The following NR6A1 variants were observed in gnomAD, a reference collection of about 807,000 sequenced individuals.
The protein encoded by NR6A1 is retinoic acid receptor-related testis-associated receptor.
NR6A1 carries 7 observed loss-of-function variants against 59.1 expected under a neutral mutation model. The observed-to-expected ratio is 0.12, with a 90% confidence interval of 0.07 to 0.22. The LOEUF (loss-of-function observed/expected upper bound fraction) is 0.22, where lower values mean the gene tolerates loss of function less well. Among genes scored for constraint, NR6A1 ranks in the 10% least tolerant of loss-of-function variants. The pLI is 1.00. For synonymous variants in NR6A1, 243 were observed against 236.1 expected (o/e 1.03, Z -0.27); for missense variants, 468 against 611.6 (o/e 0.77, Z 2.48).
intron 1 of NR6A1, among the ~76,000 whole-genome samples, chr9:124,766,953 C>T (rs1840950595): frequency 6.6e-6 from 1 of 152,142 alleles, no homozygotes; most frequent in African/African-American, 2.4e-5. Context: ...CTCCAAGCTC[C>T]AAAACATGCA....
At chr9:124,636,425 A>G (rs1836614362) in intron 2 of NR6A1, among the ~76,000 whole-genome samples, 1 of 152,186 alleles carries the variant, frequency 6.6e-6, no homozygotes, top group Non-Finnish European at 1.5e-5. Flanking sequence ...GATGAAGTCC[A>G]GCTTATTAAT....
chr9:124,627,309 G>A (rs1008595576), intron 2 of NR6A1, among the ~76,000 whole-genome samples: 3 of 151,820 alleles, frequency 2.0e-5, no homozygotes, highest in Non-Finnish European at 4.4e-5. Context: ...AAATAATCTA[G>A]CCCCGCCTTA....
chr9:124,553,314 C>A (rs1833828634), intron 3 of NR6A1, among the ~76,000 whole-genome samples: 1 of 152,104 alleles, frequency 6.6e-6, no homozygotes, highest in Admixed American at 6.5e-5. Flanking sequence ...GTGATTTCAC[C>A]TATGGACTAG....
intron 1 of NR6A1, among the ~76,000 whole-genome samples, chr9:124,757,461 C>CAA (rs34265467): frequency 0.037 from 4,052 of 110,280 alleles, 100 homozygotes; most frequent in African/African-American, 0.077. Context: ...TAAAAAAATG[C>CAA]AAAAAAAAAA....
chr9:124,678,978 G>A (rs563794869), intron 2 of NR6A1, among the ~76,000 whole-genome samples: 16 of 152,220 alleles, frequency 1.1e-4, no homozygotes, highest in African/African-American at 3.6e-4. Context: ...CTACTCAGGA[G>A]GCTGAGGTAG....
intron 6 of NR6A1, 138 bp downstream of exon 6, chr9:124,537,954 G>C (rs1833320134): frequency 1.5e-6 from 1 of 651,488 alleles, no homozygotes; most frequent in African/African-American, 1.8e-5. Context: ...GATAAGCACA[G>C]ATTTGTCCCC....
At chr9:124,666,243 C>A (rs1837608677) in intron 2 of NR6A1, among the ~76,000 whole-genome samples, 2 of 148,938 alleles carry the variant, frequency 1.3e-5, no homozygotes, top group Admixed American at 6.7e-5. Context: ...TTATTGTGAC[C>A]TAGATTTTGG....
chr9:124,633,517 C>A (rs745761714), intron 2 of NR6A1, among the ~76,000 whole-genome samples: 1 of 151,490 alleles, frequency 6.6e-6, no homozygotes, highest in African/African-American at 2.4e-5. Flanking sequence ...AACATAGACT[C>A]AATGTGTCAC....
chr9:124,743,624 T>C (rs1256578705), intron 1 of NR6A1, among the ~76,000 whole-genome samples: 4 of 152,210 alleles, frequency 2.6e-5, no homozygotes, highest in Non-Finnish European at 5.9e-5. Context: ...AATTACAGCC[T>C]TGAAACCAGA....
At chr9:124,739,137 C>G (rs1588843528) in intron 1 of NR6A1, among the ~76,000 whole-genome samples, 1 of 146,600 alleles carries the variant, frequency 6.8e-6, no homozygotes, top group Admixed American at 6.9e-5. Context: ...GCAGTGAGCC[C>G]AGATCACATC....
intron 2 of NR6A1, among the ~76,000 whole-genome samples, chr9:124,646,986 C>T (rs1270977946): frequency 6.6e-6 from 1 of 152,210 alleles, no homozygotes; most frequent in Admixed American, 6.5e-5. Context: ...GTGATCATAG[C>T]TCACCGTAAC....
intron 2 of NR6A1, among the ~76,000 whole-genome samples, chr9:124,690,991 A>G (rs913058891): frequency 6.6e-6 from 1 of 152,220 alleles, no homozygotes; most frequent in Non-Finnish European, 1.5e-5. Context: ...TTTAAGGAAT[A>G]ATATTTTGTA....
At chr9:124,585,359 T>C (rs1002157760) in intron 2 of NR6A1, among the ~76,000 whole-genome samples, 3 of 151,856 alleles carry the variant, frequency 2.0e-5, no homozygotes, top group Admixed American at 6.6e-5. Context: ...GCTAACACGG[T>C]GAAACCCCGT....
At chr9:124,727,974 T>C (rs577769987) in intron 2 of NR6A1, among the ~76,000 whole-genome samples, 10 of 151,834 alleles carry the variant, frequency 6.6e-5, no homozygotes, top group African/African-American at 2.2e-4. Context: ...TGAGCCACCA[T>C]GCCTGGCCTA....
At chr9:124,757,020 G>GACT (rs1277611588) in intron 1 of NR6A1, among the ~76,000 whole-genome samples, 2 of 151,972 alleles carry the variant, frequency 1.3e-5, no homozygotes, top group African/African-American at 4.8e-5. Flanking sequence ...GGGGGGGAAT[G>GACT]ACTCTCTCTC....
At chr9:124,539,896 C>A in intron 5 of NR6A1, 137 bp downstream of exon 5, 1 of 979,874 alleles carries the variant, frequency 1.0e-6, no homozygotes, top group Non-Finnish European at 1.5e-6. Flanking sequence ...TTCCTGACCC[C>A]TACTCCAAGA....
At chr9:124,559,174 T>G (rs1311871254) in intron 2 of NR6A1, among the ~76,000 whole-genome samples, 1 of 152,158 alleles carries the variant, frequency 6.6e-6, no homozygotes, top group Non-Finnish European at 1.5e-5. Flanking sequence ...ATCTGGAATC[T>G]TAAGAGTTAG....
rs1836206680 is a variant in NR6A1 at position 124,625,354 on chromosome 9, G to A, written c.143-70784C>T. 2.0e-5 allele frequency among the ~76,000 whole-genome samples: 3 copies of A among 152,198 alleles called. No homozygotes were observed. In the South Asian group the frequency reaches 6.2e-4, roughly 32 times the overall value. ...ATAGTGTTATTATTATTGAGATAGT[G>A]TCTCGCTTTGCCACCCAGGCTGAAG... is the stretch of plus-strand genomic sequence containing the variant. On this transcript the variant is annotated intron_variant, in intron 2 of 9. Transcript: ENST00000487099.
intron 1 of NR6A1, among the ~76,000 whole-genome samples, chr9:124,767,524 A>G (rs184674109): frequency 7.2e-5 from 11 of 152,172 alleles, no homozygotes; most frequent in African/African-American, 1.9e-4. Flanking sequence ...AAAAAAAAAA[A>G]AAAAAGAAAA....
Sources: gnomAD v4.1 joint callset for allele counts (sites outside exome capture counted in the v4.1 genomes callset) on GRCh38, gnomAD v4.1.1 for gene constraint, MANE v1.5 for transcripts, NCBI Gene and HGNC (gene_info 2026-07-23, HGNC 2026-07-21) for gene names.